TSHZ2: variants seen among roughly 807,000 people sequenced by gnomAD.
TSHZ2 encodes teashirt homolog 2.
TSHZ2 carries 21 observed loss-of-function variants against 74.4 expected under a neutral mutation model. That is an observed-to-expected ratio of 0.28 (90% CI 0.20 to 0.41). TSHZ2 has a LOEUF of 0.41. TSHZ2 is among the 10% of genes least tolerant of loss of function. The pLI, the probability that TSHZ2 is intolerant of heterozygous loss-of-function variation, is 1.00. For missense variants in TSHZ2, 1,244 were observed against 1,293.5 expected (o/e 0.96, Z 0.59); for synonymous variants, 540 against 515.3 (o/e 1.05, Z -0.65).
At chr20:53,226,932 C>T (rs192483100) in intron 1 of TSHZ2, among the ~76,000 whole-genome samples, 8 of 152,190 alleles carry the variant, frequency 5.3e-5, no homozygotes, top group Admixed American at 2.0e-4. Context: ...GGTTGTTGTT[C>T]GGGGAACTGA....
intron 2 of TSHZ2, among the ~76,000 whole-genome samples, chr20:53,427,562 G>A (rs1983698366): frequency 6.6e-6 from 1 of 152,164 alleles, no homozygotes; most frequent in South Asian, 2.1e-4. Context: ...TTTAGAGAAA[G>A]CAACAAGCCC....
intron 2 of TSHZ2, among the ~76,000 whole-genome samples, chr20:53,379,488 A>G (rs1182430383): frequency 1.3e-5 from 2 of 152,224 alleles, no homozygotes; most frequent in African/African-American, 2.4e-5. Flanking sequence ...GTCACGGAAA[A>G]TAACCTGACA....
At chr20:53,410,532 G>A (rs1283114282) in intron 2 of TSHZ2, among the ~76,000 whole-genome samples, 1 of 151,574 alleles carries the variant, frequency 6.6e-6, no homozygotes, top group Non-Finnish European at 1.5e-5. Context: ...AACTCTCTGG[G>A]CTTGGCATAC....
intron 1 of TSHZ2, among the ~76,000 whole-genome samples, chr20:53,040,872 G>C (rs1176912551): frequency 2.6e-5 from 4 of 152,150 alleles, no homozygotes; most frequent in Non-Finnish European, 4.4e-5. Context: ...CCCACAGCCT[G>C]GCACGGTGCC....
In TSHZ2 at chr20:53,471,278, T is replaced by A. The variant is rs55688695; in HGVS notation, c.*9-15866T>A. Among the ~76,000 whole-genome samples the A allele has an allele frequency of 3.3e-5, 5 of 152,188 alleles. No individual in the cohort carries two copies. In the South Asian group the frequency reaches 6.2e-4, roughly 19 times the overall value. ...TTAAAACCCTTCATGGTTTCCATGT[T>A]AGAAAAGATAGGCTTCAAATTAGTG... On this transcript the variant is annotated intron_variant, in intron 2 of 2. Coordinates refer to ENST00000371497, the MANE Select transcript of TSHZ2 (RefSeq NM_173485.6).
intron 1 of TSHZ2, among the ~76,000 whole-genome samples, chr20:53,216,615 T>G (rs897461600): frequency 6.6e-6 from 1 of 152,220 alleles, no homozygotes; most frequent in African/African-American, 2.4e-5. Flanking sequence ...AAAAGCTCCT[T>G]GCACTGAGCT....
intron 2 of TSHZ2, among the ~76,000 whole-genome samples, chr20:53,422,478 T>C (rs1276319821): frequency 6.6e-6 from 1 of 152,076 alleles, no homozygotes; most frequent in African/African-American, 2.4e-5. Context: ...CTCACAGCAA[T>C]TTATACGTTC....
chr20:53,332,731 T>A (rs1979776476), intron 2 of TSHZ2, among the ~76,000 whole-genome samples: 1 of 152,188 alleles, frequency 6.6e-6, no homozygotes, highest in South Asian at 2.1e-4. Context: ...TTTCCTTTTC[T>A]TGTGTAGTTT....
chr20:53,049,356 G>A (rs977718631), intron 1 of TSHZ2, among the ~76,000 whole-genome samples: 2 of 151,928 alleles, frequency 1.3e-5, no homozygotes, highest in African/African-American at 2.4e-5. Flanking sequence ...CTTCCAGTAC[G>A]AATTCCTGCC....
At chr20:53,017,425 C>A (rs6097189) in intron 1 of TSHZ2, among the ~76,000 whole-genome samples, 40,523 of 152,034 alleles carry the variant, frequency 0.27, 6,286 homozygotes, top group East Asian at 0.52. Context: ...TTTTACATAG[C>A]ATACGGGCCA....
At chr20:53,290,098 A>G (rs1991251774) in intron 2 of TSHZ2, among the ~76,000 whole-genome samples, 1 of 152,232 alleles carries the variant, frequency 6.6e-6, no homozygotes, top group South Asian at 2.1e-4. Flanking sequence ...TTGAAAAACT[A>G]GAAAAATTGT....
chr20:53,175,036 A>G (rs1453665657), intron 1 of TSHZ2, among the ~76,000 whole-genome samples: 1 of 150,856 alleles, frequency 6.6e-6, no homozygotes, highest in Non-Finnish European at 1.5e-5. Context: ...GCTGGCTTTT[A>G]GAATGAGACG....
chr20:53,321,005 C>T (rs1200567633), intron 2 of TSHZ2, among the ~76,000 whole-genome samples: 1 of 152,162 alleles, frequency 6.6e-6, no homozygotes, highest in East Asian at 1.9e-4. Flanking sequence ...ATGAGATTTC[C>T]ATAAAGTTAC....
At chr20:53,462,013 C>T (rs75278354) in intron 2 of TSHZ2, among the ~76,000 whole-genome samples, 1 of 152,018 alleles carries the variant, frequency 6.6e-6, no homozygotes, top group African/African-American at 2.4e-5. Flanking sequence ...AGGCGGATCA[C>T]TTGAGGTCAG....
At chr20:53,204,095 G>A (rs1989079932) in intron 1 of TSHZ2, among the ~76,000 whole-genome samples, 1 of 89,616 alleles carries the variant, frequency 1.1e-5, no homozygotes, top group Non-Finnish European at 2.8e-5. Context: ...ATCATCATAT[G>A]ATGATATGAT....
At chr20:53,085,405 C>T (rs1189237142) in intron 1 of TSHZ2, among the ~76,000 whole-genome samples, 3 of 151,768 alleles carry the variant, frequency 2.0e-5, no homozygotes, top group Non-Finnish European at 2.9e-5. Context: ...AAAGAAAGAC[C>T]GATATTTCAC....
At chr20:53,283,768 C>A (rs952373409) in intron 2 of TSHZ2, among the ~76,000 whole-genome samples, 3 of 152,116 alleles carry the variant, frequency 2.0e-5, no homozygotes, top group Non-Finnish European at 2.9e-5. Flanking sequence ...TCATCCTACC[C>A]AGTCACACAA....
At chr20:53,270,151 G>A (rs1990805932) in intron 2 of TSHZ2, among the ~76,000 whole-genome samples, 1 of 151,936 alleles carries the variant, frequency 6.6e-6, no homozygotes, top group African/African-American at 2.4e-5. Flanking sequence ...CCTGGCTTCT[G>A]CTTGTTTTCC....
chr20:53,167,736 G>A (rs1226212972), intron 1 of TSHZ2, among the ~76,000 whole-genome samples: 1 of 152,156 alleles, frequency 6.6e-6, no homozygotes, highest in Admixed American at 6.5e-5. Flanking sequence ...AGGTGCAAGT[G>A]GTGAAGGTGG....
Sources: gnomAD v4.1 joint callset for allele counts (sites outside exome capture counted in the v4.1 genomes callset) on GRCh38, gnomAD v4.1.1 for gene constraint, MANE v1.5 for transcripts, NCBI Gene and HGNC (gene_info 2026-07-23, HGNC 2026-07-21) for gene names.